Variants in GRB10 observed in about 807,000 individuals in gnomAD.
The protein encoded by GRB10 is growth factor receptor bound protein 10.
Under a neutral mutation model 80.9 loss-of-function variants are expected in GRB10, and 20 were observed. The observed-to-expected ratio is 0.25, with a 90% CI of 0.17 to 0.36. The LOEUF is 0.36. Among genes scored for constraint, GRB10 ranks in the 10% least tolerant of loss-of-function variants. The pLI, the probability that GRB10 is intolerant of heterozygous loss-of-function variation, is 1.00. For missense variants in GRB10, 548 were observed against 747.7 expected (o/e 0.73, Z 3.12); for synonymous variants, 291 against 291.5 (o/e 1.00, Z 0.02).
chr7:50,700,716 T>G (rs1239152550), intron 5 of GRB10, among the ~76,000 whole-genome samples: 1 of 152,232 alleles, frequency 6.6e-6, no homozygotes, highest in East Asian at 1.9e-4. Context: ...CTCTAACTCA[T>G]AAGTAAAATA....
At chr7:50,754,455 T>C (rs971496298) in intron 3 of GRB10, among the ~76,000 whole-genome samples, 6 of 152,130 alleles carry the variant, frequency 3.9e-5, no homozygotes, top group African/African-American at 1.2e-4. Context: ...GGTTCATGCA[T>C]GACCAGGGCG....
chr7:50,619,349 C>A (rs1585782898), intron 8 of GRB10, 64 bp from the exon 9 acceptor site: 2 of 914,344 alleles, frequency 2.2e-6, no homozygotes, highest in Non-Finnish European at 3.6e-6. Flanking sequence ...GCTTTACAAC[C>A]AAATGGAAGA....
At chr7:50,693,578 G>C (rs1182337690) in intron 5 of GRB10, among the ~76,000 whole-genome samples, 3 of 152,146 alleles carry the variant, frequency 2.0e-5, no homozygotes, top group African/African-American at 4.8e-5. Flanking sequence ...GTTTGTGTAG[G>C]ATGTCTCCAA....
chr7:50,671,258 A>G (rs2060322383), intron 6 of GRB10, among the ~76,000 whole-genome samples: 1 of 152,176 alleles, frequency 6.6e-6, no homozygotes, highest in Admixed American at 6.5e-5. Context: ...ATGTTTAAAC[A>G]TACCTCAGAA....
chr7:50,666,683 G>A (rs570496574), intron 7 of GRB10, among the ~76,000 whole-genome samples: 17 of 152,260 alleles, frequency 1.1e-4, no homozygotes, highest in Non-Finnish European at 1.9e-4. Context: ...CAGACCTGGG[G>A]TCTCTGGACA....
chr7:50,753,307 C>T (rs899123670), intron 3 of GRB10, among the ~76,000 whole-genome samples: 1 of 152,232 alleles, frequency 6.6e-6, no homozygotes, highest in Non-Finnish European at 1.5e-5. Context: ...TCAAGCAAAA[C>T]GTGAGTTCTT....
chr7:50,768,836 C>T (rs2076661400), intron 2 of GRB10, among the ~76,000 whole-genome samples: 1 of 152,206 alleles, frequency 6.6e-6, no homozygotes. Context: ...CAGGGAACCG[C>T]CCTCCACAGT....
chr7:50,783,436 TCACA>T (rs10647493), upstream of GRB10, among the ~76,000 whole-genome samples: 1 of 150,114 alleles, frequency 6.7e-6, no homozygotes, highest in South Asian at 2.1e-4. Context: ...CACACACACC[TCACA>T]CACACACCAC....
chr7:50,721,570 C>T (rs1024496876), intron 4 of GRB10, among the ~76,000 whole-genome samples: 5 of 152,246 alleles, frequency 3.3e-5, no homozygotes, highest in Non-Finnish European at 5.9e-5. Context: ...CACCTTCTTG[C>T]TCTGCTGGCC....
At chr7:50,788,207 G>A (rs2078773639) in intron 1 of GRB10, among the ~76,000 whole-genome samples, 3 of 152,218 alleles carry the variant, frequency 2.0e-5, no homozygotes, top group African/African-American at 7.2e-5. Flanking sequence ...ACAAAAGGCT[G>A]GAAGCCACTG....
rs1461250860 is a variant in GRB10 at position 50,782,320 on chromosome 7, C to A, written c.-327+104G>T. 1.3e-5 allele frequency: 2 copies of A among 149,904 alleles called. No homozygotes were observed. The highest frequency in any genetic ancestry group is 3.0e-5 in the Non-Finnish European group (2 of 67,220). 9.3% of individuals were successfully genotyped at this position (149,904 alleles called of 1,614,324 possible). On this transcript the variant is annotated intron_variant, in intron 1 of 18. Coordinates refer to ENST00000401949, the MANE Select transcript of GRB10 (RefSeq NM_001350814.2). This position sits in a 1 kb window ranked among gnomAD's most constrained non-coding sequence, Gnocchi z 6.6. ...CCTCCCGGGCCCTGTCCGCCGCGGCCGGGGCCTCTGCAGCCTGCGCAGGCC... is the reference window on the plus strand; with the variant it reads ...CCTCCCGGGCCCTGTCCGCCGCGGCAGGGGCCTCTGCAGCCTGCGCAGGCC...
At chr7:50,666,405 C>T (rs1241224576) in intron 7 of GRB10, among the ~76,000 whole-genome samples, 1 of 152,152 alleles carries the variant, frequency 6.6e-6, no homozygotes, top group East Asian at 1.9e-4. Flanking sequence ...TCTTCTCTAC[C>T]CATGACTACT....
chr7:50,690,991 C>T (rs1377632703), intron 5 of GRB10, among the ~76,000 whole-genome samples: 4 of 152,204 alleles, frequency 2.6e-5, no homozygotes, highest in African/African-American at 4.8e-5. Context: ...AGGTCTGCTG[C>T]TTGCCTAACA....
chr7:50,786,933 C>A (rs1384229853), upstream of GRB10, among the ~76,000 whole-genome samples: 1 of 152,194 alleles, frequency 6.6e-6, no homozygotes, highest in Non-Finnish European at 1.5e-5. Flanking sequence ...GATAAAACTG[C>A]AGATCACCTT....
chr7:50,675,728 G>GTC (rs1554549755), intron 5 of GRB10, among the ~76,000 whole-genome samples: 1 of 151,980 alleles, frequency 6.6e-6, no homozygotes, highest in Non-Finnish European at 1.5e-5. Context: ...AAACACATGT[G>GTC]TCTCTCTCTG....
intron 7 of GRB10, among the ~76,000 whole-genome samples, chr7:50,669,264 C>T (rs1243657202): frequency 6.6e-6 from 1 of 152,192 alleles, no homozygotes; most frequent in East Asian, 1.9e-4. Flanking sequence ...GCAGCCTGTA[C>T]AAGAATCATG....
Position 50,602,339 on chromosome 7 carries a change from C to T in GRB10, c.1544+1659G>A, listed in dbSNP as rs192922398. ...GCCTTGGTGGGGAGGTTCCAGCTGG[C>T]TGCACTTGAACCCCTGCTCACCCGA... On this transcript the variant is annotated intron_variant, in intron 17 of 18. Coordinates refer to ENST00000401949, the MANE Select transcript of GRB10 (RefSeq NM_001350814.2). Among the ~76,000 whole-genome samples, 1,465 of 152,266 alleles carry T rather than the reference C, an allele frequency of 9.6e-3. 95 individuals carry two copies. Among genetic ancestry groups the T allele is most frequent in the Admixed American group, 0.092 (1,408 of 15,290 alleles).
At chr7:50,644,370 G>A (rs996121010) in intron 7 of GRB10, among the ~76,000 whole-genome samples, 2 of 152,102 alleles carry the variant, frequency 1.3e-5, no homozygotes, top group Non-Finnish European at 2.9e-5. Flanking sequence ...TGTGATGGCC[G>A]AGCTCAGGGA....
intron 5 of GRB10, among the ~76,000 whole-genome samples, chr7:50,682,082 T>C (rs2061605181): frequency 6.6e-6 from 1 of 152,230 alleles, no homozygotes; most frequent in African/African-American, 2.4e-5. Flanking sequence ...AATGTTTCTG[T>C]TGCCCCCCAG....
Sources: gnomAD v4.1 joint callset for allele counts (sites outside exome capture counted in the v4.1 genomes callset) on GRCh38, gnomAD v4.1.1 for gene constraint, Gnocchi (gnomAD v3.1) non-coding constraint, MANE v1.5 for transcripts, NCBI Gene and HGNC (gene_info 2026-07-23, HGNC 2026-07-21) for gene names.